THAP12: variants seen among roughly 807,000 people sequenced by gnomAD.
THAP12 encodes THAP domain containing 12.
THAP12 carries 20 observed loss-of-function variants against 63.0 expected under a neutral mutation model. The observed-to-expected ratio is 0.32, with a 90% CI of 0.22 to 0.46. THAP12 has a LOEUF of 0.46. THAP12 is among the 20% of genes least tolerant of loss of function. The pLI, the probability that THAP12 is intolerant of heterozygous loss-of-function variation, is 1.00. For synonymous variants in THAP12, 264 were observed against 328.4 expected (o/e 0.80, Z 2.12); for missense variants, 568 against 908.2 (o/e 0.63, Z 4.81).
Position 76,350,584 on chromosome 11 carries a change from T to C in THAP12, c.*280A>G. On this transcript the variant is annotated 3_prime_UTR_variant, in exon 5 of 5. Coordinates refer to ENST00000260045, the MANE Select transcript of THAP12 (RefSeq NM_004705.4). ...AGAGATCCACAGTGATAATAAATGC[T>C]ATGTCTAAAATGACTTAACTGAAAC... The C allele has an allele frequency of 4.0e-6, 1 of 247,060 alleles. No homozygotes were observed. Among genetic ancestry groups the C allele is most frequent in the Non-Finnish European group, 7.6e-6 (1 of 130,792 alleles). 15.3% of individuals were successfully genotyped at this position (247,060 alleles called of 1,614,324 possible). A position where few individuals can be genotyped will look rare whatever the true frequency, so the allele number is the denominator to read the frequency against.
intron 1 of THAP12, among the ~76,000 whole-genome samples, chr11:76,378,752 C>CA (rs1173865331): frequency 3.3e-5 from 5 of 152,110 alleles, no homozygotes; most frequent in African/African-American, 1.2e-4. Context: ...GCTGGACAGG[C>CA]ACGCACCACT....
At chr11:76,375,318 T>G (rs917841359) in intron 1 of THAP12, among the ~76,000 whole-genome samples, 4 of 150,898 alleles carry the variant, frequency 2.7e-5, no homozygotes, top group Non-Finnish European at 4.4e-5. Flanking sequence ...TAGGAAGAGC[T>G]CCACTGTGAG....
chr11:76,351,759 G>A lies in THAP12; in HGVS notation c.1391C>T (p.Ala464Val), dbSNP rs1419216712. 1.9e-6 allele frequency: 3 copies of A among 1,613,478 alleles called. No individual in the cohort carries two copies. Among genetic ancestry groups the A allele is most frequent in the Non-Finnish European group, 2.5e-6 (3 of 1,179,548 alleles). Residue 464 changes from alanine (A) to valine (V), a missense_variant, in exon 5 of 5, where the codon GCT (alanine) becomes GTT (valine). Coordinates refer to ENST00000260045, the MANE Select transcript of THAP12 (RefSeq NM_004705.4). The part of the protein sequence containing the change: ...DTNIRWNNYI[A>V]GRAFVLCSAV... The stretch of plus-strand genomic sequence containing the variant: ...ACTGCAGAGTACAAATGCTCGGCCA[G>A]CTATATAGTTATTCCATCTAATATT...
At position 76,381,050 on chromosome 11, in the gene THAP12, G is replaced by A. The variant is rs1193016623; in HGVS notation, c.-214C>T. 4.5e-6 allele frequency: 1 copy of A among 222,580 alleles called. No homozygotes were observed. The highest frequency in any genetic ancestry group is 8.7e-6 in the Non-Finnish European group (1 of 115,464). 13.8% of individuals were successfully genotyped at this position (222,580 alleles called of 1,614,324 possible). ...GGGACGCGGCTCCACAGTGCTGTGA[G>A]CGGCCGGGAGGATTTACCGCCGCCG... On this transcript the variant is annotated 5_prime_UTR_variant, in exon 1 of 5. Coordinates refer to ENST00000260045, the MANE Select transcript of THAP12 (RefSeq NM_004705.4).
chr11:76,370,846 AT>A (rs1425151392), intron 1 of THAP12, among the ~76,000 whole-genome samples: 5 of 113,770 alleles, frequency 4.4e-5, no homozygotes, highest in African/African-American at 1.2e-4. Flanking sequence ...AAAAAAAAAT[AT>A]ATATATATAT....
chr11:76,363,048 G>A (rs531390572), intron 2 of THAP12, among the ~76,000 whole-genome samples: 21 of 152,222 alleles, frequency 1.4e-4, no homozygotes, highest in East Asian at 1.9e-4. Context: ...GAGGCTCAGC[G>A]GGGAGGATTG....
intron 1 of THAP12, among the ~76,000 whole-genome samples, chr11:76,374,269 T>C (rs961696419): frequency 2.0e-5 from 3 of 152,134 alleles, no homozygotes; most frequent in Admixed American, 6.5e-5. Flanking sequence ...AAAAATCCCA[T>C]AGTCTATCTT....
At chr11:76,357,918 A>G (rs1946572102) in intron 3 of THAP12, 1 of 152,056 alleles carries the variant, frequency 6.6e-6, no homozygotes, top group Non-Finnish European at 1.5e-5. Context: ...CTAGAAAAAG[A>G]GTCAAAAAAT....
chr11:76,377,925 TTGTC>T (rs1308973402), intron 1 of THAP12, among the ~76,000 whole-genome samples: 1 of 152,206 alleles, frequency 6.6e-6, no homozygotes, highest in Non-Finnish European at 1.5e-5. Flanking sequence ...TAAAATTGGG[TTGTC>T]TTTTTGTTGC....
chr11:76,355,504 C>CCTACATT (rs1946555200), intron 4 of THAP12, 114 bp downstream of exon 4: 2 of 955,390 alleles, frequency 2.1e-6, no homozygotes, highest in Non-Finnish European at 1.5e-6. Context: ...TGAGCACACT[C>CCTACATT]CTACATTCAT....
intron 1 of THAP12, among the ~76,000 whole-genome samples, chr11:76,366,756 C>T (rs1003774391): frequency 3.3e-5 from 5 of 151,808 alleles, no homozygotes; most frequent in Admixed American, 2.6e-4. Context: ...AGGCTGTATT[C>T]GTTTATCTTC....
Sources: allele counts gnomAD v4.1 joint callset (sites outside exome capture counted in the v4.1 genomes callset), GRCh38; gene constraint gnomAD v4.1.1; transcripts MANE v1.5; gene names NCBI Gene and HGNC (gene_info 2026-07-23, HGNC 2026-07-21).